The following KATNAL2 variants were observed in gnomAD, a reference collection of about 807,000 sequenced individuals.
KATNAL2 encodes katanin catalytic subunit A1 like 2.
In KATNAL2, 52 loss-of-function variants were observed where a neutral mutation model predicts 76.3. The ratio of observed to expected loss-of-function variants is 0.68; its 90% CI spans 0.55 to 0.86. The LOEUF (loss-of-function observed/expected upper bound fraction) is 0.86, where lower values mean the gene tolerates loss of function less well. KATNAL2 is among the 40% of genes least tolerant of loss of function. The pLI is 0.00. For synonymous variants in KATNAL2, 243 were observed against 244.2 expected (o/e 1.00, Z 0.05); for missense variants, 660 against 668.9 (o/e 0.99, Z 0.15).
At chr18:47,070,842 T>C (rs1599752774) in intron 13 of KATNAL2, among the ~76,000 whole-genome samples, 1 of 152,346 alleles carries the variant, frequency 6.6e-6, no homozygotes, top group East Asian at 1.9e-4. Context: ...GATGGTAATT[T>C]GTGGAAATCT....
chr18:47,043,677 A>G (rs1279909806), intron 3 of KATNAL2, among the ~76,000 whole-genome samples: 1 of 152,244 alleles, frequency 6.6e-6, no homozygotes, highest in Admixed American at 6.5e-5. Flanking sequence ...CCAAGAGGGA[A>G]GCAAGAGGTG....
intron 1 of KATNAL2, among the ~76,000 whole-genome samples, chr18:46,941,493 TG>T (rs1371465111): frequency 6.7e-6 from 1 of 150,364 alleles, no homozygotes; most frequent in Non-Finnish European, 1.5e-5. Flanking sequence ...GCCTTGGAGG[TG>T]GGGAGGGGTG....
chr18:47,096,877 C>G (rs1219968874), intron 15 of KATNAL2, among the ~76,000 whole-genome samples: 2 of 152,178 alleles, frequency 1.3e-5, no homozygotes, highest in East Asian at 3.9e-4. Flanking sequence ...GTGGTTCACA[C>G]CTGTAATCCT....
At chr18:46,928,693 C>G (rs1373024926) in intron 1 of KATNAL2, among the ~76,000 whole-genome samples, 2 of 151,676 alleles carry the variant, frequency 1.3e-5, no homozygotes, top group African/African-American at 2.4e-5. Flanking sequence ...ATTTGGCCAT[C>G]TTGGCTCCTC....
chr18:46,936,416 A>G (rs933333019), intron 1 of KATNAL2, among the ~76,000 whole-genome samples: 3 of 152,180 alleles, frequency 2.0e-5, no homozygotes, highest in Admixed American at 2.0e-4. Context: ...CTTAATTTTT[A>G]TATTTAAAAA....
intron 1 of KATNAL2, among the ~76,000 whole-genome samples, chr18:46,930,652 C>T (rs1188901895): frequency 6.6e-6 from 1 of 151,528 alleles, no homozygotes; most frequent in Non-Finnish European, 1.5e-5. Flanking sequence ...CCTGTCTCTA[C>T]TGAAAATACA....
At chr18:46,937,921 T>C (rs147826047) in intron 1 of KATNAL2, among the ~76,000 whole-genome samples, 1 of 152,000 alleles carries the variant, frequency 6.6e-6, no homozygotes, top group Non-Finnish European at 1.5e-5. Flanking sequence ...TGGGGCAACA[T>C]AGGGAGATCT....
intron 15 of KATNAL2, among the ~76,000 whole-genome samples, chr18:47,090,040 G>A (rs1010026681): frequency 2.0e-5 from 3 of 152,034 alleles, no homozygotes; most frequent in South Asian, 2.1e-4. Context: ...CACCTGCCTC[G>A]GCCTCCCAAA....
intron 3 of KATNAL2, among the ~76,000 whole-genome samples, chr18:46,957,807 C>T (rs1030912451): frequency 3.3e-5 from 5 of 152,002 alleles, no homozygotes; most frequent in Non-Finnish European, 2.9e-5. Flanking sequence ...GGTGATCTGC[C>T]GGCCTCGGCC....
chr18:47,071,960 T>C (rs1438365961), intron 13 of KATNAL2, among the ~76,000 whole-genome samples: 4,321 of 63,354 alleles, frequency 0.068, 592 homozygotes, highest in Non-Finnish European at 0.098. Flanking sequence ...CTTCTTTTTT[T>C]TTTTTTTTTT....
intron 3 of KATNAL2, among the ~76,000 whole-genome samples, chr18:46,952,393 GTTTTTTTTTT>G (rs35596537): frequency 1.6e-5 from 1 of 64,422 alleles, no homozygotes; most frequent in South Asian, 7.3e-4. Context: ...CTGCAGGTAT[GTTTTTTTTTT>G]TTTTTTTTTT....
chr18:46,949,734 A>T (rs1191630653), intron 3 of KATNAL2, among the ~76,000 whole-genome samples: 1 of 152,094 alleles, frequency 6.6e-6, no homozygotes, highest in Non-Finnish European at 1.5e-5. Context: ...ACATCAGCAA[A>T]TCTTATTGAT....
rs77869357 is a variant in KATNAL2 at position 47,061,864 on chromosome 18, ATT to A, written c.550-1098_550-1097del. 4.2e-4 allele frequency among the ~76,000 whole-genome samples: 52 copies of A among 123,368 alleles called. 2 individuals are homozygous for A. The highest frequency in any genetic ancestry group is 3.0e-3 in the Admixed American group (32 of 10,670). The allele number at this position is 123,368 out of a possible 152,430, so 80.9% of individuals were successfully genotyped here. On this transcript the variant is annotated intron_variant, in intron 8 of 17. Coordinates refer to ENST00000683218, the MANE Select transcript of KATNAL2 (RefSeq NM_001387690.1). The stretch of plus-strand genomic sequence containing the variant: ...TCCATAAATGTTAACTATTATTATT[ATT>A]TTTTTTTTTGGTGCATCCTTGCTTT...
intron 15 of KATNAL2, chr18:47,084,301 T>A (rs1320148631): frequency 2.8e-6 from 2 of 702,366 alleles, no homozygotes; most frequent in African/African-American, 1.7e-5. Context: ...ATTGGAGGGA[T>A]AAGCAGATGT....
chr18:47,077,492 C>A, intron 15 of KATNAL2, 31 bp downstream of exon 15: 1 of 1,502,476 alleles, frequency 6.7e-7, no homozygotes, highest in Non-Finnish European at 9.3e-7. Context: ...ATTTTGAATA[C>A]ATTTTCAGGA....
intron 13 of KATNAL2, among the ~76,000 whole-genome samples, chr18:47,071,997 G>A (rs1340520327): frequency 3.9e-5 from 3 of 77,636 alleles, no homozygotes; most frequent in African/African-American, 6.3e-5. Context: ...TTTTTACAGA[G>A]TCTTGCTCTG....
rs781177340 is a variant in KATNAL2, at chr18:47,034,905, C to T, written c.52-11552C>T. ...TGTGCTCAGGGCTGTGAGATGGGCT[C>T]CTGGGGGCCGTCGCGTTTTCTGGGA... On this transcript the variant is annotated intron_variant, in intron 3 of 17. Coordinates refer to ENST00000683218, the MANE Select transcript of KATNAL2 (RefSeq NM_001387690.1). The T allele has an allele frequency of 3.7e-6, 6 of 1,611,996 alleles. No homozygotes were observed. In the Admixed American group the frequency reaches 6.7e-5, roughly 18 times the overall value.
chr18:47,049,305 G>A (rs1376542231), intron 4 of KATNAL2, among the ~76,000 whole-genome samples: 1 of 152,198 alleles, frequency 6.6e-6, no homozygotes, highest in African/African-American at 2.4e-5. Context: ...AATCATGCCT[G>A]ACAATTACAC....
chr18:47,062,832 C>T, intron 8 of KATNAL2, 140 bp from the exon 9 acceptor site: 1 of 565,734 alleles, frequency 1.8e-6, no homozygotes, highest in East Asian at 2.8e-5. Flanking sequence ...AATACTAGTG[C>T]TGGTTCTTTT....
Sources: allele counts gnomAD v4.1 joint callset (sites outside exome capture counted in the v4.1 genomes callset), GRCh38; gene constraint gnomAD v4.1.1; transcripts MANE v1.5; gene names NCBI Gene and HGNC (gene_info 2026-07-23, HGNC 2026-07-21).